The following LTBP2 variants were observed in gnomAD, a reference collection of about 807,000 sequenced individuals.
The protein encoded by LTBP2 is latent-transforming growth factor beta-binding protein 2.
A neutral mutation model predicts 210.6 loss-of-function variants in LTBP2; 103 were observed. That is an observed-to-expected ratio of 0.49 (90% CI 0.42 to 0.58). The LOEUF is 0.58. LTBP2 is among the 20% of genes least tolerant of loss of function. The pLI is 0.00. For synonymous variants in LTBP2, 1,007 were observed against 1,015.0 expected, an observed-to-expected ratio of 0.99 and a Z score of 0.15; for missense variants, 2,313 against 2,494.5, an observed-to-expected ratio of 0.93 and a Z score of 1.55.
chr14:74,539,423 G>T (rs1199430263), intron 8 of LTBP2, among the ~76,000 whole-genome samples: 1 of 152,210 alleles, frequency 6.6e-6, no homozygotes, highest in Non-Finnish European at 1.5e-5. Context: ...AGGGAGAAAT[G>T]ATGTTGGGCA....
At chr14:74,560,208 T>G (rs1049996012) in intron 3 of LTBP2, among the ~76,000 whole-genome samples, 2 of 151,872 alleles carry the variant, frequency 1.3e-5, no homozygotes, top group Admixed American at 1.3e-4. Context: ...CACCATAATT[T>G]CACGAAAGAA....
At chr14:74,510,976 G>T (rs1802620585) in intron 19 of LTBP2, among the ~76,000 whole-genome samples, 2 of 152,180 alleles carry the variant, frequency 1.3e-5, no homozygotes, top group Admixed American at 6.5e-5. Context: ...TCCACCACAG[G>T]ATCCAGCTAC....
chr14:74,601,607 T>C (rs1200005591), intron 2 of LTBP2, among the ~76,000 whole-genome samples: 4 of 152,156 alleles, frequency 2.6e-5, no homozygotes, highest in Admixed American at 2.0e-4. Context: ...AAATTCTGCC[T>C]GAGCTGCATC....
At chr14:74,592,783 G>A (rs543055621) in intron 2 of LTBP2, among the ~76,000 whole-genome samples, 1 of 152,282 alleles carries the variant, frequency 6.6e-6, no homozygotes, top group Admixed American at 6.5e-5. Flanking sequence ...ATACCGCGAT[G>A]TCCACATTTA....
At chr14:74,503,050 A>G (rs1273332314) in intron 33 of LTBP2, 116 bp from the exon 34 acceptor site, 6 of 1,495,932 alleles carry the variant, frequency 4.0e-6, no homozygotes, top group South Asian at 1.1e-5. Flanking sequence ...TCCTGGCAAC[A>G]TTCCTCTCCC....
intron 8 of LTBP2, among the ~76,000 whole-genome samples, chr14:74,539,050 A>G (rs1266144856): frequency 6.6e-6 from 1 of 152,248 alleles, no homozygotes; most frequent in African/African-American, 2.4e-5. Flanking sequence ...GGTGGGAAAG[A>G]ATGATGCAAG....
chr14:74,569,370 C>T (rs144599904), intron 3 of LTBP2, among the ~76,000 whole-genome samples: 7 of 152,218 alleles, frequency 4.6e-5, no homozygotes, highest in African/African-American at 1.4e-4. Context: ...TGGCTTACCA[C>T]TTGGAATGTG....
In LTBP2 at chr14:74,535,937, G is replaced by T. The variant is rs1169603565; in HGVS notation, c.1853C>A (p.Thr618Asn). 1 of 1,614,174 alleles carries T rather than the reference G, an allele frequency of 6.2e-7. No homozygotes were observed. Residue 618 changes from threonine (T) to asparagine (N), a missense_variant, in exon 9 of 36, where the codon ACT becomes AAT. Thr to Asn is a moderately conservative substitution (Grantham distance 65). This residue lies in a region of LTBP2 where 1,867 missense variants were observed against 1,976.9 expected (regional missense o/e 0.94). Transcript: ENST00000261978. ...CPQGYKRLNL[T>N]HCQDINECLT... is the part of the protein sequence containing the mutation. ...CCTGGGGGTCCTACCTTGGCAGTGA[G>T]TGAGGTTCAGTCTCTTGTACCCCTG...
intron 10 of LTBP2, among the ~76,000 whole-genome samples, chr14:74,530,225 G>T (rs1361679746): frequency 6.6e-6 from 1 of 152,210 alleles, no homozygotes; most frequent in Non-Finnish European, 1.5e-5. Flanking sequence ...AAGGCTTGTG[G>T]TCCATACCCC....
chr14:74,555,222 G>A (rs1313626062), intron 4 of LTBP2, among the ~76,000 whole-genome samples: 2 of 152,114 alleles, frequency 1.3e-5, no homozygotes, highest in African/African-American at 4.8e-5. Context: ...GGTTCACAGC[G>A]GGATATGAGG....
chr14:74,534,570 T>C (rs1014431117), intron 9 of LTBP2, among the ~76,000 whole-genome samples: 1 of 152,174 alleles, frequency 6.6e-6, no homozygotes, highest in African/African-American at 2.4e-5. Flanking sequence ...CCTGTAGCAC[T>C]CAGGGACTGC....
chr14:74,601,721 T>A (rs1047853665), intron 2 of LTBP2, among the ~76,000 whole-genome samples: 1 of 152,182 alleles, frequency 6.6e-6, no homozygotes, highest in Admixed American at 6.5e-5. Context: ...TCGCATCGCA[T>A]CCCATCAAGT....
chr14:74,550,061 TC>T, intron 7 of LTBP2, 96 bp from the exon 8 acceptor site: 1 of 805,664 alleles, frequency 1.2e-6, no homozygotes, highest in Non-Finnish European at 2.2e-6. Context: ...CAGAGCTCAC[TC>T]CCCACATTCT....
intron 1 of LTBP2, among the ~76,000 whole-genome samples, chr14:74,608,210 G>A (rs574726673): frequency 4.1e-4 from 62 of 152,060 alleles, no homozygotes; most frequent in African/African-American, 2.4e-4. Context: ...ATGAGCCACC[G>A]CGCCCGGCCA....
At chr14:74,552,163 C>T (rs547276075) in intron 6 of LTBP2, 24 bp downstream of exon 6, 26 of 1,569,664 alleles carry the variant, frequency 1.7e-5, no homozygotes, top group South Asian at 8.0e-5. Context: ...AGGGTCCCGC[C>T]GGCCCAGCTG....
At chr14:74,595,380 A>C (rs2088345726) in intron 2 of LTBP2, among the ~76,000 whole-genome samples, 1 of 152,206 alleles carries the variant, frequency 6.6e-6, no homozygotes, top group East Asian at 1.9e-4. Context: ...TGAGAGGCCT[A>C]GGCTCCTCTC....
At position 74,509,356 on chromosome 14, in the gene LTBP2, A is replaced by T. The variant is rs773005015; in HGVS notation, c.3285T>A (p.Asp1095Glu). The T allele has an allele frequency of 2.5e-6, 4 of 1,613,392 alleles. No individual in the cohort carries two copies. The highest frequency in any genetic ancestry group is 3.4e-6 in the Non-Finnish European group (4 of 1,179,952). The change falls in exon 22 of 36, where the codon GAT becomes GAA. Residue 1095 changes from aspartate (D) to glutamate (E), a missense_variant. Physicochemically the swap from Asp to Glu is conservative, Grantham distance 45. Around this residue, in one of 3 missense-constraint regions of LTBP2, gnomAD observed 1,867 missense variants for 1,976.9 expected, o/e 0.94. Transcript: ENST00000261978. ...GGCAGACTCCCGGGAAGGCACACTCATCTAGGTCTGCAGACAGACAGCGCT... is the reference window on the plus strand; with the variant it reads ...GGCAGACTCCCGGGAAGGCACACTCTTCTAGGTCTGCAGACAGACAGCGCT... Reference protein sequence around the residue: ...NEDGTACEDLDECAFPGVCPS... With the variant: ...NEDGTACEDLEECAFPGVCPS...
At chr14:74,509,941 A>G (rs1365280121) in intron 20 of LTBP2, 82 bp from the exon 21 acceptor site, 1 of 1,611,454 alleles carries the variant, frequency 6.2e-7, no homozygotes, top group Non-Finnish European at 8.5e-7. Context: ...GGGTGGGGGA[A>G]GGACAGGTCT....
chr14:74,597,704 G>A (rs1324372970), intron 2 of LTBP2, among the ~76,000 whole-genome samples: 2 of 152,198 alleles, frequency 1.3e-5, no homozygotes, highest in Non-Finnish European at 2.9e-5. Context: ...GAAATGGACA[G>A]GGTCTCTTGA....
Sources: gnomAD v4.1 joint callset for allele counts (sites outside exome capture counted in the v4.1 genomes callset) on GRCh38, gnomAD v4.1.1 for gene constraint, gnomAD v4.1.1 regional missense constraint, MANE v1.5 for transcripts, NCBI Gene and HGNC (gene_info 2026-07-23, HGNC 2026-07-21) for gene names.